Variants in NDST4 observed in about 807,000 individuals in gnomAD.
NDST4 encodes the protein N-heparan sulfate sulfotransferase 4.
Under a neutral mutation model 100.8 loss-of-function variants are expected in NDST4, and 63 were observed. The ratio of observed to expected loss-of-function variants is 0.62; its 90% CI spans 0.51 to 0.77. The LOEUF is 0.77. Among genes scored for constraint, NDST4 ranks in the 30% least tolerant of loss-of-function variants. NDST4 has a pLI of 0.00. For missense variants in NDST4, 943 were observed against 1,018.4 expected, an observed-to-expected ratio of 0.93 and a Z score of 1.01; for synonymous variants, 377 against 361.8, an observed-to-expected ratio of 1.04 and a Z score of -0.48.
At chr4:115,101,640 G>T (rs903943228) in intron 1 of NDST4, among the ~76,000 whole-genome samples, 7 of 152,128 alleles carry the variant, frequency 4.6e-5, no homozygotes, top group African/African-American at 2.4e-5. Flanking sequence ...TCAATCAAGA[G>T]AATACTGGTG....
chr4:115,094,145 T>C (rs993988855), intron 1 of NDST4, among the ~76,000 whole-genome samples: 1 of 151,464 alleles, frequency 6.6e-6, no homozygotes, highest in Non-Finnish European at 1.5e-5. Context: ...AATGAAGTTA[T>C]TAAATATTTT....
chr4:115,064,487 T>C (rs193290778), intron 2 of NDST4, among the ~76,000 whole-genome samples: 1 of 152,170 alleles, frequency 6.6e-6, no homozygotes, highest in African/African-American at 2.4e-5. Context: ...ATGTTGAAAT[T>C]CTTATTCATC....
intron 2 of NDST4, among the ~76,000 whole-genome samples, chr4:115,033,157 A>ATATATATATATATATATTTT (rs1491126767): frequency 1.7e-5 from 1 of 59,946 alleles, no homozygotes; most frequent in African/African-American, 5.8e-5. Context: ...ATATATATAT[A>ATATATATATATATATATTTT]TTTTTTTTTT....
intron 2 of NDST4, among the ~76,000 whole-genome samples, chr4:115,021,250 A>T (rs1214987569): frequency 3.6e-5 from 5 of 139,266 alleles, no homozygotes; most frequent in Non-Finnish European, 1.5e-5. Flanking sequence ...CCACATATAT[A>T]TATTCCACAT....
In NDST4 at chr4:115,016,619, G is replaced by A. The variant is rs140290795; in HGVS notation, c.979-39345C>T. Among the ~76,000 whole-genome samples the A allele has an allele frequency of 1.4e-4, 22 of 152,236 alleles. No homozygotes were observed. The East Asian group carries it at 4.2e-3, about 29-fold the overall frequency. ...AAAGAAGGGAGTTACTATGTTGGCT[G>A]TGGTGATTGATCCTATTGGGGGATA... On this transcript the variant is annotated intron_variant, in intron 2 of 13. Transcript: ENST00000264363.
intron 11 of NDST4, among the ~76,000 whole-genome samples, chr4:114,839,145 A>C (rs10011213): frequency 0.28 from 43,315 of 152,048 alleles, 8,504 homozygotes; most frequent in African/African-American, 0.56. Flanking sequence ...AGATATTTAT[A>C]ATGTTAATAG....
intron 11 of NDST4, among the ~76,000 whole-genome samples, chr4:114,839,099 T>G (rs1011055842): frequency 6.6e-6 from 1 of 152,186 alleles, no homozygotes; most frequent in Non-Finnish European, 1.5e-5. Flanking sequence ...TGAAACTAGC[T>G]ACTGTTCAAA....
At chr4:114,925,018 A>C (rs1242601226) in intron 6 of NDST4, among the ~76,000 whole-genome samples, 1 of 152,158 alleles carries the variant, frequency 6.6e-6, no homozygotes, top group Non-Finnish European at 1.5e-5. Flanking sequence ...TCCTCCTGGA[A>C]CACATGTAGA....
At chr4:115,031,005 T>C (rs1267242928) in intron 2 of NDST4, among the ~76,000 whole-genome samples, 1 of 152,160 alleles carries the variant, frequency 6.6e-6, no homozygotes. Flanking sequence ...TCACCCCATC[T>C]ATATTATCTC....
At chr4:115,066,645 T>C (rs1578495550) in intron 2 of NDST4, among the ~76,000 whole-genome samples, 1 of 152,192 alleles carries the variant, frequency 6.6e-6, no homozygotes, top group East Asian at 1.9e-4. Context: ...ACCATTCTTA[T>C]TATAAGCCTT....
Position 115,076,534 on chromosome 4 carries a change from T to C in NDST4, c.503A>G (p.Asn168Ser), listed in dbSNP as rs764114208. 8.1e-6 allele frequency: 13 copies of C among 1,613,906 alleles called. No homozygotes were observed. The highest frequency in any genetic ancestry group is 8.0e-5 in the African/African-American group (6 of 74,942). The change falls in exon 2 of 14, where the codon AAT becomes AGT. Residue 168 changes from asparagine to serine, a missense_variant. Asn to Ser is a conservative substitution (Grantham distance 46). Around this residue, in one of 2 missense-constraint regions of NDST4, gnomAD observed 417 missense variants for 384.2 expected, o/e 1.09. Coordinates refer to ENST00000264363, the MANE Select transcript of NDST4 (RefSeq NM_022569.3). ...SVSIIGFHKA[N>S]ENSLPSTQLK... ...TTGTGTACTTGGTAAGCTGTTCTCA[T>C]TGGCTTTATGAAAACCGATTATACT...
chr4:114,931,558 G>T (rs903444954), intron 6 of NDST4, among the ~76,000 whole-genome samples: 1 of 151,630 alleles, frequency 6.6e-6, no homozygotes, highest in Non-Finnish European at 1.5e-5. Context: ...AAATATCAAT[G>T]AAACTAAGAG....
intron 10 of NDST4, chr4:114,842,573 C>T (rs6856510): frequency 0.11 from 18,287 of 165,568 alleles, 2,097 homozygotes; most frequent in African/African-American, 0.32. Context: ...AGGCGGATCA[C>T]GAGTTCAGGA....
chr4:115,109,110 TAAAGAAAAAGA>T (rs1336492361), intron 1 of NDST4, among the ~76,000 whole-genome samples: 2 of 130,438 alleles, frequency 1.5e-5, no homozygotes, highest in Admixed American at 1.5e-4. Context: ...GAGAAAAGAA[TAAAGAAAAAGA>T]ATAGAAAAAG....
intron 2 of NDST4, among the ~76,000 whole-genome samples, chr4:115,006,927 T>C (rs1420009557): frequency 1.3e-5 from 2 of 151,958 alleles, no homozygotes; most frequent in Non-Finnish European, 2.9e-5. Context: ...ATAATAATAA[T>C]AACAACAACA....
At chr4:114,856,170 C>T (rs1266532937) in intron 7 of NDST4, among the ~76,000 whole-genome samples, 1 of 151,842 alleles carries the variant, frequency 6.6e-6, no homozygotes, top group Non-Finnish European at 1.5e-5. Flanking sequence ...TCAAGTGATT[C>T]TCCTACCTCA....
At chr4:115,070,681 T>C (rs995623775) in intron 2 of NDST4, among the ~76,000 whole-genome samples, 2 of 152,120 alleles carry the variant, frequency 1.3e-5, no homozygotes, top group African/African-American at 2.4e-5. Context: ...CTCAGTAGCA[T>C]TGGTTGGAGA....
In NDST4 at chr4:115,077,250, C is replaced by T. The variant is rs1729208661; in HGVS notation, c.-214G>A. On this transcript the variant is annotated 5_prime_UTR_variant, in exon 2 of 14. Coordinates refer to ENST00000264363, the MANE Select transcript of NDST4 (RefSeq NM_022569.3). ...GAGGAGATTTTGAATATGTCCAATA[C>T]TGAGAATTGCTGCAGAATCCTCTAA... 2.5e-6 allele frequency: 1 copy of T among 400,256 alleles called. No homozygotes were observed. The highest frequency in any genetic ancestry group is 4.5e-6 in the Non-Finnish European group (1 of 223,412). 24.8% of individuals were successfully genotyped at this position (400,256 alleles called of 1,614,324 possible).
At chr4:114,971,962 G>C (rs1726524540) in intron 3 of NDST4, among the ~76,000 whole-genome samples, 1 of 152,004 alleles carries the variant, frequency 6.6e-6, no homozygotes. Context: ...TTAGTGAAGA[G>C]TTGATGAGAT....
Sources: gnomAD v4.1 joint callset for allele counts (sites outside exome capture counted in the v4.1 genomes callset) on GRCh38, gnomAD v4.1.1 for gene constraint, gnomAD v4.1.1 regional missense constraint, MANE v1.5 for transcripts, NCBI Gene and HGNC (gene_info 2026-07-23, HGNC 2026-07-21) for gene names.